Variants in TSNAXIP1 observed in about 807,000 individuals in gnomAD.
TSNAXIP1 encodes the protein translin-associated factor X-interacting protein 1.
In TSNAXIP1, 89 loss-of-function variants were observed where a neutral mutation model predicts 84.8. The observed-to-expected ratio is 1.05, with a 90% CI of 0.88 to 1.25. TSNAXIP1 has a LOEUF of 1.25. Among genes scored for constraint, TSNAXIP1 ranks in the 50% most tolerant of loss-of-function variants. The pLI, the probability that TSNAXIP1 is intolerant of heterozygous loss-of-function variation, is 0.00. For missense variants in TSNAXIP1, 874 were observed against 887.6 expected (o/e 0.98, Z 0.20); for synonymous variants, 347 against 335.2 (o/e 1.04, Z -0.39).
chr16:67,822,566 A>AAGAGAGAG (rs143349223), intron 4 of TSNAXIP1, among the ~76,000 whole-genome samples: 7 of 148,972 alleles, frequency 4.7e-5, no homozygotes, highest in Non-Finnish European at 7.4e-5. Context: ...GGGAGGGAGG[A>AAGAGAGAG]AGAGAGAGAG....
chr16:67,827,971 G>T lies in TSNAXIP1; in HGVS notation c.2117G>T (p.Arg706Leu). 1.2e-6 allele frequency: 2 copies of T among 1,613,352 alleles called. No homozygotes were observed. Among genetic ancestry groups the T allele is most frequent in the South Asian group, 2.2e-5 (2 of 91,076 alleles). ...ATTGACATCAGGCGTGTGGGACCTC[G>T]AGAGCCAGAGCCTGCAAGCTAGGAA... Reference protein sequence around the residue: ...QVIDIRRVGPREPEPAS With the variant: ...QVIDIRRVGPLEPEPAS Residue 706 changes from arginine to leucine, a missense_variant, in exon 16 of 16, where the codon CGA (arginine) becomes CTA (leucine). By Grantham distance (102) the Arg-to-Leu change is moderately radical. Coordinates refer to ENST00000561639, the MANE Select transcript of TSNAXIP1 (RefSeq NM_001288990.3).
In TSNAXIP1 at chr16:67,826,090, G is replaced by T; in HGVS notation, c.1144+14G>T. ...CCAAGTGCAAAGGTGAGGGCAGCCGGCAGGGCCCCAGGTCCTGCTTACATG... is the reference window on the plus strand; with the variant it reads ...CCAAGTGCAAAGGTGAGGGCAGCCGTCAGGGCCCCAGGTCCTGCTTACATG... On this transcript the variant is annotated intron_variant, in intron 9 of 15. Transcript: ENST00000561639. 1.2e-6 allele frequency: 2 copies of T among 1,613,302 alleles called. No homozygotes were observed. The highest frequency in any genetic ancestry group is 1.1e-5 in the South Asian group (1 of 91,086).
Position 67,827,969 on chromosome 16 carries a change from T to A in TSNAXIP1, c.2115T>A (p.Pro705=). 2 of 1,613,360 alleles carry A rather than the reference T, an allele frequency of 1.2e-6. No individual in the cohort carries two copies. The highest frequency in any genetic ancestry group is 2.2e-5 in the South Asian group (2 of 91,072). Residue 705 remains proline (P), a synonymous_variant, in exon 16 of 16, where the codon CCT becomes CCA. Coordinates refer to ENST00000561639, the MANE Select transcript of TSNAXIP1 (RefSeq NM_001288990.3). The part of the protein sequence containing the change: ...LQVIDIRRVG[P]REPEPAS ...TGATTGACATCAGGCGTGTGGGACC[T>A]CGAGAGCCAGAGCCTGCAAGCTAGG...
chr16:67,817,147 T>A (rs1246612983), intron 2 of TSNAXIP1, among the ~76,000 whole-genome samples: 1 of 150,300 alleles, frequency 6.7e-6, no homozygotes. Flanking sequence ...TTGCGGTTTT[T>A]TTTTTGTTTT....
chr16:67,821,266 G>GT, intron 4 of TSNAXIP1, 41 bp downstream of exon 4: 1 of 1,447,904 alleles, frequency 6.9e-7, no homozygotes, highest in Non-Finnish European at 9.4e-7. Flanking sequence ...CGGGGGAAGG[G>GT]TGGGAAGAAG....
At chr16:67,827,617 G>T in intron 15 of TSNAXIP1, 38 bp downstream of exon 15, 1 of 1,612,918 alleles carries the variant, frequency 6.2e-7, no homozygotes, top group Non-Finnish European at 8.5e-7. Context: ...CCCACAGGCT[G>T]GGCCCCTGAA....
intron 1 of TSNAXIP1, among the ~76,000 whole-genome samples, chr16:67,811,402 A>G (rs898418409): frequency 2.0e-5 from 3 of 150,354 alleles, no homozygotes; most frequent in Non-Finnish European, 3.0e-5. Flanking sequence ...TGCTTCCAGC[A>G]TGAGCAAGAA....
At chr16:67,814,738 A>T (rs1278883545) in intron 2 of TSNAXIP1, among the ~76,000 whole-genome samples, 1 of 152,140 alleles carries the variant, frequency 6.6e-6, no homozygotes, top group Non-Finnish European at 1.5e-5. Flanking sequence ...CCAACACACC[A>T]GGCACTGTGC....
In TSNAXIP1 at chr16:67,827,021, T is replaced by C; in HGVS notation, c.1613T>C (p.Met538Thr). Residue 538 changes from methionine (M) to threonine (T), a missense_variant, in exon 13 of 16, where the codon ATG becomes ACG. By Grantham distance (81) the Met-to-Thr change is moderately conservative. Transcript: ENST00000561639. ...ACAGTAGCCCAGCTGCTGAAGGAGA[T>C]GACAAATGCTGACAGTCAGAACGAG... is the stretch of plus-strand genomic sequence containing the variant. The part of the protein sequence containing the change: ...KETVAQLLKE[M>T]TNADSQNEGL... 1.2e-6 allele frequency: 2 copies of C among 1,614,098 alleles called. No homozygotes were observed. Among genetic ancestry groups the C allele is most frequent in the Non-Finnish European group, 1.7e-6 (2 of 1,180,022 alleles).
intron 6 of TSNAXIP1, 25 bp from the exon 7 acceptor site, chr16:67,825,112 G>C: frequency 6.2e-7 from 1 of 1,611,366 alleles, no homozygotes; most frequent in Non-Finnish European, 8.5e-7. Flanking sequence ...GGCAGCCCCT[G>C]ACCACACAGC....
At chr16:67,816,029 C>T (rs1257110943) in intron 2 of TSNAXIP1, among the ~76,000 whole-genome samples, 6 of 144,366 alleles carry the variant, frequency 4.2e-5, no homozygotes, top group African/African-American at 1.3e-4. Context: ...AGTGCAGTGA[C>T]GCAATCTCGG....
chr16:67,816,364 A>G (rs1055827062), intron 2 of TSNAXIP1, among the ~76,000 whole-genome samples: 6 of 152,194 alleles, frequency 3.9e-5, no homozygotes, highest in Non-Finnish European at 8.8e-5. Flanking sequence ...TCATAAAGGA[A>G]AAAACACATT....
chr16:67,821,168 C>T lies in TSNAXIP1; in HGVS notation c.330C>T (p.Arg110=). The T allele has an allele frequency of 6.3e-7, 1 of 1,598,240 alleles. No individual in the cohort carries two copies. The highest frequency in any genetic ancestry group is 8.5e-7 in the Non-Finnish European group (1 of 1,170,682). The part of the protein sequence containing the change: ...QYLEELENYL[R]KELLLLDLGT... The stretch of plus-strand genomic sequence containing the variant: ...TGGAGGAACTGGAAAACTACCTACG[C>T]AAGGAGCTCCTCCTGCTGGACCTGG... Residue 110 remains arginine (R), a synonymous_variant, in exon 4 of 16, where the codon CGC becomes CGT. Coordinates refer to ENST00000561639, the MANE Select transcript of TSNAXIP1 (RefSeq NM_001288990.3).
At position 67,812,179 on chromosome 16, in the gene TSNAXIP1, G is replaced by A. The variant is rs186672339; in HGVS notation, c.48-2123G>A. On this transcript the variant is annotated intron_variant, in intron 1 of 15. Transcript: ENST00000561639. ...ATAAATCACACACCCCCACCCCATG[G>A]ATTGTTGGAATTACTTCTTCCTTTT... is the stretch of plus-strand genomic sequence containing the variant. Among the ~76,000 whole-genome samples, 79 of 149,262 alleles carry A rather than the reference G, an allele frequency of 5.3e-4. No homozygotes were observed. The East Asian group carries it at 0.013, about 24-fold the overall frequency.
rs2057465325 is a variant in TSNAXIP1 at position 67,826,519 on chromosome 16, ACCT to A, written c.1363_1365del (p.Leu455del). On this transcript the variant is annotated inframe_deletion, in exon 11 of 16. Transcript: ENST00000561639. ...AAGCCAAGCAAGAAGGACGTGGTCA[ACCT>A]CCTCAAGGATGCCTGGAAGGAACGT... 2 of 1,614,034 alleles carry A rather than the reference ACCT, an allele frequency of 1.2e-6. No individual in the cohort carries two copies.
chr16:67,809,407 C>T (rs28847731), intron 1 of TSNAXIP1, among the ~76,000 whole-genome samples: 10,222 of 148,140 alleles, frequency 0.069, 481 homozygotes, highest in Middle Eastern at 0.19. Context: ...TGCAGTGAGC[C>T]CAGATCATGC....
chr16:67,825,309 T>G, intron 7 of TSNAXIP1, 37 bp downstream of exon 7: 1 of 1,611,178 alleles, frequency 6.2e-7, no homozygotes, highest in Non-Finnish European at 8.5e-7. Context: ...CTCTCTTCTC[T>G]GAGACGCTGG....
At chr16:67,811,075 T>C (rs2056028312) in intron 1 of TSNAXIP1, among the ~76,000 whole-genome samples, 1 of 152,004 alleles carries the variant, frequency 6.6e-6, no homozygotes, top group Non-Finnish European at 1.5e-5. Flanking sequence ...TCCCGCCTCT[T>C]AGCCTCCCTG....
In TSNAXIP1 at chr16:67,811,436, C is replaced by CTTT. The variant is rs1190285857; in HGVS notation, c.48-2845_48-2843dup. On this transcript the variant is annotated intron_variant, in intron 1 of 15. Coordinates refer to ENST00000561639, the MANE Select transcript of TSNAXIP1 (RefSeq NM_001288990.3). Reference sequence around the variant, plus strand: ...AACAGAGTTTGGAGAATTGATTAGTCTTTTTTTTTTTTTTTTTTTTTTTGA... The same window carrying CTTT: ...AACAGAGTTTGGAGAATTGATTAGTCTTTTTTTTTTTTTTTTTTTTTTTTTTGA... Among the ~76,000 whole-genome samples, 150 of 101,956 alleles carry CTTT rather than the reference C, an allele frequency of 1.5e-3. 2 individuals are homozygous for CTTT. Among genetic ancestry groups the CTTT allele is most frequent in the Non-Finnish European group, 1.8e-3 (97 of 53,372 alleles). The allele number at this position is 101,956 out of a possible 152,430, so 66.9% of individuals were successfully genotyped here.
Sources: gnomAD v4.1 joint callset for allele counts (sites outside exome capture counted in the v4.1 genomes callset) on GRCh38, gnomAD v4.1.1 for gene constraint, MANE v1.5 for transcripts, NCBI Gene and HGNC (gene_info 2026-07-23, HGNC 2026-07-21) for gene names.